RUNX2: variants seen among roughly 807,000 people sequenced by gnomAD.
The protein encoded by RUNX2 is runt-related transcription factor 2.
In RUNX2, 10 loss-of-function variants were observed where a neutral mutation model predicts 51.7. The observed-to-expected ratio is 0.19, with a 90% confidence interval of 0.12 to 0.33. The LOEUF is 0.33. Ranked by LOEUF, RUNX2 falls within the 10% of genes least tolerant of loss-of-function variation. The pLI, the probability that RUNX2 is intolerant of heterozygous loss-of-function variation, is 1.00. For synonymous variants in RUNX2, 276 were observed against 273.6 expected (o/e 1.01, Z -0.09); for missense variants, 562 against 691.3 (o/e 0.81, Z 2.10).
intron 5 of RUNX2, among the ~76,000 whole-genome samples, chr6:45,481,962 G>T (rs1800129519): frequency 6.6e-6 from 1 of 152,198 alleles, no homozygotes; most frequent in African/African-American, 2.4e-5. Flanking sequence ...GGAGTAAGGA[G>T]GGATGGAAGC....
chr6:45,475,535 C>T (rs1799933563), intron 5 of RUNX2, among the ~76,000 whole-genome samples: 1 of 152,156 alleles, frequency 6.6e-6, no homozygotes, highest in Non-Finnish European at 1.5e-5. Context: ...TTCCTTCCAC[C>T]TCAGTGGTGA....
At chr6:45,354,919 A>AT (rs1365171948) in intron 2 of RUNX2, among the ~76,000 whole-genome samples, 1 of 152,144 alleles carries the variant, frequency 6.6e-6, no homozygotes, top group East Asian at 1.9e-4. Flanking sequence ...GTATTTTTTA[A>AT]TTTTTTGTAT....
chr6:45,458,787 C>T (rs1452748054), intron 5 of RUNX2, among the ~76,000 whole-genome samples: 1 of 152,144 alleles, frequency 6.6e-6, no homozygotes, highest in East Asian at 1.9e-4. Flanking sequence ...TAAGTATGAT[C>T]TGGAAACATA....
chr6:45,547,763 C>A lies in RUNX2; in HGVS notation c.*458C>A. ...ACCAGTGCCCTCCGCAGACAGCTCACAAAACCAGTTGAGGTGCACTAAAGG... is the reference window on the plus strand; with the variant it reads ...ACCAGTGCCCTCCGCAGACAGCTCAAAAAACCAGTTGAGGTGCACTAAAGG... On this transcript the variant is annotated 3_prime_UTR_variant, in exon 9 of 9. Transcript: ENST00000647337. The A allele has an allele frequency of 4.6e-6, 1 of 216,652 alleles. No individual in the cohort carries two copies. The highest frequency in any genetic ancestry group is 9.4e-6 in the Non-Finnish European group (1 of 106,674). The allele number at this position is 216,652 out of a possible 1,614,324, so 13.4% of individuals were successfully genotyped here.
At chr6:45,371,103 T>C (rs1489260981) in intron 2 of RUNX2, among the ~76,000 whole-genome samples, 1 of 152,168 alleles carries the variant, frequency 6.6e-6, no homozygotes, top group Non-Finnish European at 1.5e-5. Context: ...GTGGAAGATT[T>C]TGGCAGCAAT....
At chr6:45,510,362 C>T (rs1801104822) in intron 6 of RUNX2, among the ~76,000 whole-genome samples, 1 of 152,176 alleles carries the variant, frequency 6.6e-6, no homozygotes, top group South Asian at 2.1e-4. Context: ...CTGTATATGT[C>T]AATGTCAGTA....
rs762152337 is a variant in RUNX2 at position 45,491,937 on chromosome 6, C to T, written c.686-4C>T. On this transcript the variant is annotated splice_region_variant and splice_polypyrimidine_tract_variant and intron_variant, in intron 5 of 8. Transcript: ENST00000647337. ...GCTTTTATTTTATGATTTGCTATTT[C>T]CAGGGCACAGACAGAAGCTTGATGA... 1.2e-6 allele frequency: 2 copies of T among 1,613,672 alleles called. No individual in the cohort carries two copies. The highest frequency in any genetic ancestry group is 1.7e-6 in the Non-Finnish European group (2 of 1,179,742).
In RUNX2 at chr6:45,422,735, G is replaced by A. The variant is rs1251704753; in HGVS notation, c.201G>A (p.Gln67=). ...QQQQQQQQQQ[Q]QQQQEAAAAA... ...AGCAGCAGCAGCAGCAGCAACAGCA[G>A]CAGCAGCAGCAGGAGGCGGCGGCGG... Residue 67 remains glutamine (Q), a synonymous_variant, in exon 3 of 9, where the codon CAG becomes CAA. Coordinates refer to ENST00000647337, the MANE Select transcript of RUNX2 (RefSeq NM_001024630.4). The A allele has an allele frequency of 1.3e-6, 2 of 1,566,722 alleles. No individual in the cohort carries two copies. Among genetic ancestry groups the A allele is most frequent in the East Asian group, 2.6e-5 (1 of 39,172 alleles).
chr6:45,387,729 A>T (rs1797381634), intron 2 of RUNX2, among the ~76,000 whole-genome samples: 1 of 152,168 alleles, frequency 6.6e-6, no homozygotes, highest in Non-Finnish European at 1.5e-5. Flanking sequence ...AGTCAATGGG[A>T]GGAGGAGAGG....
At chr6:45,348,205 C>T (rs1791280914) in intron 2 of RUNX2, among the ~76,000 whole-genome samples, 3 of 151,990 alleles carry the variant, frequency 2.0e-5, no homozygotes, top group Admixed American at 2.0e-4. Context: ...TATAACATAG[C>T]AGTTAAAAGT....
rs1203066173 is a variant in RUNX2 at position 45,431,944 on chromosome 6, C to T, written c.505C>T (p.Arg169Trp). Residue 169 changes from arginine (R) to tryptophan (W), a missense_variant, in exon 4 of 9, where the codon CGG becomes TGG. By Grantham distance (101) the Arg-to-Trp change is moderately radical. Around this residue, in one of 5 missense-constraint regions of RUNX2, gnomAD observed 67 missense variants for 106.5 expected, o/e 0.63. Transcript: ENST00000647337. ...GNDENYSAEL[R>W]NASAVMKNQV... is the part of the protein sequence containing the mutation. ...CGATGAAAATTATTCTGCTGAGCTC[C>T]GGAATGCCTCTGCTGTTATGAAAAA... 3.1e-6 allele frequency: 5 copies of T among 1,614,058 alleles called. No homozygotes were observed. The highest frequency in any genetic ancestry group is 1.1e-5 in the South Asian group (1 of 91,082).
At chr6:45,396,955 A>C (rs1395154570) in intron 2 of RUNX2, among the ~76,000 whole-genome samples, 1 of 152,144 alleles carries the variant, frequency 6.6e-6, no homozygotes, top group East Asian at 1.9e-4. Flanking sequence ...ATTATGAATA[A>C]TGCTGCTATA....
At chr6:45,461,309 A>G (rs1464726956) in intron 5 of RUNX2, among the ~76,000 whole-genome samples, 5 of 152,194 alleles carry the variant, frequency 3.3e-5, no homozygotes, top group African/African-American at 1.2e-4. Context: ...CAGGGACTGG[A>G]TCCATTCTAC....
chr6:45,365,200 C>T (rs1482301028), intron 2 of RUNX2: 1 of 1,592,780 alleles, frequency 6.3e-7, no homozygotes, highest in Non-Finnish European at 8.6e-7. Context: ...GACATACTTA[C>T]ATCATACTCT....
At chr6:45,472,959 A>G (rs1239733887) in intron 5 of RUNX2, among the ~76,000 whole-genome samples, 1 of 152,178 alleles carries the variant, frequency 6.6e-6, no homozygotes, top group African/African-American at 2.4e-5. Context: ...GAAAGGGAGA[A>G]CCAGTTCATT....
intron 2 of RUNX2, among the ~76,000 whole-genome samples, chr6:45,413,431 T>C (rs1348724829): frequency 1.3e-4 from 1 of 7,594 alleles, no homozygotes; most frequent in Admixed American, 8.4e-4. Context: ...GATACATTCT[T>C]TTTTTTTTTT....
At chr6:45,473,586 T>C (rs1317777) in intron 5 of RUNX2, among the ~76,000 whole-genome samples, 39,342 of 152,180 alleles carry the variant, frequency 0.26, 5,924 homozygotes, top group Non-Finnish European at 0.34. Flanking sequence ...AAGGGTATGG[T>C]ACATAAAAAT....
chr6:45,407,474 T>C (rs1273631031), intron 2 of RUNX2, among the ~76,000 whole-genome samples: 1 of 152,136 alleles, frequency 6.6e-6, no homozygotes, highest in Non-Finnish European at 1.5e-5. Context: ...CCCACTCTTA[T>C]TCTTCTTCCA....
At chr6:45,362,479 T>C (rs2150256718) in intron 2 of RUNX2, among the ~76,000 whole-genome samples, 1 of 152,294 alleles carries the variant, frequency 6.6e-6, no homozygotes, top group East Asian at 1.9e-4. Flanking sequence ...TCATTTGAAA[T>C]ATACATAAGC....
Sources: allele counts gnomAD v4.1 joint callset (sites outside exome capture counted in the v4.1 genomes callset), GRCh38; gene constraint gnomAD v4.1.1; regional missense constraint gnomAD v4.1.1; transcripts MANE v1.5; gene names NCBI Gene and HGNC (gene_info 2026-07-23, HGNC 2026-07-21).